The following TBC1D2B variants were observed in gnomAD, a reference collection of about 807,000 sequenced individuals.
TBC1D2B encodes TBC1 domain family member 2B.
In TBC1D2B, 64 loss-of-function variants were observed where a neutral mutation model predicts 100.8. That is an observed-to-expected ratio of 0.64 (90% confidence interval 0.52 to 0.78). The LOEUF is 0.78. TBC1D2B is among the 30% of genes least tolerant of loss of function. The pLI is 0.00. For missense variants in TBC1D2B, 1,052 were observed against 1,218.4 expected (o/e 0.86, Z 2.03); for synonymous variants, 480 against 479.7 (o/e 1.00, Z -0.01).
At chr15:78,045,192 T>A in intron 2 of TBC1D2B, 124 bp from the exon 3 acceptor site, 1 of 816,636 alleles carries the variant, frequency 1.2e-6, no homozygotes, top group Non-Finnish European at 1.8e-6. Context: ...ATATTTTTAA[T>A]GTATACTACA....
At chr15:78,024,630 A>G in intron 5 of TBC1D2B, 91 bp from the exon 6 acceptor site, 1 of 1,223,578 alleles carries the variant, frequency 8.2e-7, no homozygotes, top group Non-Finnish European at 1.1e-6. Context: ...AGTAATCGAC[A>G]GAGTTTGAGG....
At position 78,034,635 on chromosome 15, in the gene TBC1D2B, G is replaced by T. The variant is rs1193851842; in HGVS notation, c.684-4465C>A. 3 of 984,874 alleles carry T rather than the reference G, an allele frequency of 3.0e-6. No homozygotes were observed. In the African/African-American group the frequency reaches 5.2e-5, roughly 17 times the overall value. 61.0% of individuals were successfully genotyped at this position (984,874 alleles called of 1,614,324 possible). A position where few individuals can be genotyped will look rare whatever the true frequency, so the allele number is the denominator to read the frequency against. ...CACACACCCTCCTTCCTCCCACCGC[G>T]GTTTTGGGTTTCCAGCCTGTTGCAA... On this transcript the variant is annotated intron_variant, in intron 3 of 12. Coordinates refer to ENST00000300584, the MANE Select transcript of TBC1D2B (RefSeq NM_144572.2).
rs552292382 is a variant in TBC1D2B, at chr15:78,001,555, T to A, written c.2696+64A>T. On this transcript the variant is annotated intron_variant, in intron 12 of 12. Coordinates refer to ENST00000300584, the MANE Select transcript of TBC1D2B (RefSeq NM_144572.2). ...TTGGAAGACAGCAAGGACAGGCTGC[T>A]CTCAAGGAGGCAGGGGTCAGGCTTC... is the stretch of plus-strand genomic sequence containing the variant. 3 of 1,530,846 alleles carry A rather than the reference T, an allele frequency of 2.0e-6. No individual in the cohort carries two copies. In the South Asian group the frequency reaches 3.8e-5, roughly 19 times the overall value. 94.8% of individuals were successfully genotyped at this position (1,530,846 alleles called of 1,614,324 possible).
intron 3 of TBC1D2B, among the ~76,000 whole-genome samples, chr15:78,042,796 T>C (rs1307571973): frequency 1.3e-5 from 2 of 152,240 alleles, no homozygotes; most frequent in Non-Finnish European, 2.9e-5. Flanking sequence ...AAGAGACTAA[T>C]GTCGTATCGT....
At position 77,999,798 on chromosome 15, in the gene TBC1D2B, C is replaced by T. The variant is rs144795695; in HGVS notation, c.2697-1443G>A. On this transcript the variant is annotated intron_variant, in intron 12 of 12. Coordinates refer to ENST00000300584, the MANE Select transcript of TBC1D2B (RefSeq NM_144572.2). The stretch of plus-strand genomic sequence containing the variant: ...CCTCGGCCCAGGCTGGCACCCGGGA[C>T]GCCAGACCCCACCTCTGCCTCAGGC... 4.6e-3 allele frequency among the ~76,000 whole-genome samples: 699 copies of T among 152,306 alleles called. 8 individuals carry two copies. The highest frequency in any genetic ancestry group is 0.016 in the African/African-American group (658 of 41,562).
chr15:78,032,549 A>G (rs2072842546), intron 3 of TBC1D2B, among the ~76,000 whole-genome samples: 1 of 152,058 alleles, frequency 6.6e-6, no homozygotes, highest in South Asian at 2.1e-4. Flanking sequence ...ATCAACAGAA[A>G]CAGACCAGAA....
rs928593032 is a variant in TBC1D2B at position 77,997,970 on chromosome 15, T to C, written c.*190A>G. The C allele has an allele frequency of 7.0e-5, 34 of 483,254 alleles. No individual in the cohort carries two copies. Among genetic ancestry groups the C allele is most frequent in the East Asian group, 1.8e-4 (5 of 28,566 alleles). 29.9% of individuals were successfully genotyped at this position (483,254 alleles called of 1,614,324 possible). Reference sequence around the variant, plus strand: ...AACCAAAAGCATGGCACGGAAATGGTTGTAAACAGATTAGACCTCCCACCC... The same window carrying C: ...AACCAAAAGCATGGCACGGAAATGGCTGTAAACAGATTAGACCTCCCACCC... On this transcript the variant is annotated 3_prime_UTR_variant, in exon 13 of 13. Transcript: ENST00000300584.
intron 1 of TBC1D2B, among the ~76,000 whole-genome samples, chr15:78,061,034 C>T (rs928463210): frequency 6.7e-5 from 10 of 148,178 alleles, no homozygotes; most frequent in Non-Finnish European, 1.5e-4. Flanking sequence ...TTGCTTGAGC[C>T]CCGGAGTTCA....
rs541850643 is a variant in TBC1D2B at position 78,036,988 on chromosome 15, A to G, written c.684-6818T>C. The stretch of plus-strand genomic sequence containing the variant: ...AGACAGTTTCCAAAATACTCTAGAC[A>G]TTTACCTGGACAGATGAGTACATCA... On this transcript the variant is annotated intron_variant, in intron 3 of 12. Coordinates refer to ENST00000300584, the MANE Select transcript of TBC1D2B (RefSeq NM_144572.2). Among the ~76,000 whole-genome samples the G allele has an allele frequency of 2.1e-3, 318 of 152,316 alleles. 2 individuals are homozygous for G. The highest frequency in any genetic ancestry group is 3.9e-3 in the Non-Finnish European group (266 of 68,020).
intron 9 of TBC1D2B, among the ~76,000 whole-genome samples, chr15:78,011,648 T>G (rs140431103): frequency 1.7e-3 from 17 of 10,234 alleles, no homozygotes; most frequent in African/African-American, 4.3e-3. Context: ...TTTTTTGGTT[T>G]TTTTTTTTTT....
rs371440650 is a variant in TBC1D2B at position 78,036,252 on chromosome 15, C to T, written c.684-6082G>A. 4.6e-5 allele frequency among the ~76,000 whole-genome samples: 7 copies of T among 152,120 alleles called. No homozygotes were observed. In the East Asian group the frequency reaches 5.8e-4, roughly 13 times the overall value. On this transcript the variant is annotated intron_variant, in intron 3 of 12. Transcript: ENST00000300584. ...GCAATGATTGATTTTTCTTTTTATA[C>T]GCATGCACGCTTATTGCAATGAAGT...
At chr15:78,027,057 AG>A (rs2072689557) in intron 4 of TBC1D2B, among the ~76,000 whole-genome samples, 1 of 152,216 alleles carries the variant, frequency 6.6e-6, no homozygotes, top group African/African-American at 2.4e-5. Flanking sequence ...TCACTAAAAA[AG>A]AAAAAAAAAA....
intron 3 of TBC1D2B, among the ~76,000 whole-genome samples, chr15:78,040,442 G>A (rs113217583): frequency 1.3e-5 from 2 of 151,934 alleles, no homozygotes; most frequent in East Asian, 1.9e-4. Context: ...CCAGCTACTC[G>A]GGGGGCTGAG....
At chr15:78,056,021 T>TTC (rs2073415609) in intron 1 of TBC1D2B, among the ~76,000 whole-genome samples, 2 of 152,190 alleles carry the variant, frequency 1.3e-5, no homozygotes, top group Admixed American at 1.3e-4. Context: ...GTTCAAAAGC[T>TTC]TCAAAGTATA....
rs2071765204 is a variant in TBC1D2B, at chr15:77,996,564, C to T, written c.*1596G>A. ...CCCATTTTTGATGCCTGAAAAGAGG[C>T]AAAGGCTTCTGGCTAAATATAGAGG... is the stretch of plus-strand genomic sequence containing the variant. On this transcript the variant is annotated 3_prime_UTR_variant, in exon 13 of 13. Transcript: ENST00000300584. The T allele has an allele frequency of 6.6e-6, 1 of 152,226 alleles. No individual in the cohort carries two copies. The highest frequency in any genetic ancestry group is 2.1e-4 in the South Asian group (1 of 4,836). 9.4% of individuals were successfully genotyped at this position (152,226 alleles called of 1,614,324 possible).
chr15:78,018,106 C>T, intron 6 of TBC1D2B, 149 bp from the exon 7 acceptor site: 1 of 487,790 alleles, frequency 2.1e-6, no homozygotes. Flanking sequence ...TGTTAAAAGG[C>T]ACTTCCTAAT....
chr15:78,013,191 C>A lies in TBC1D2B; in HGVS notation c.1902G>T (p.Gly634=). 6.2e-7 allele frequency: 1 copy of A among 1,613,950 alleles called. No individual in the cohort carries two copies. The highest frequency in any genetic ancestry group is 8.5e-7 in the Non-Finnish European group (1 of 1,179,894). ...YLTENQEVST[G]VKWENYFAST... is the part of the protein sequence containing the mutation. Reference sequence around the variant, plus strand: ...TTGCAAAATAGTTTTCCCACTTGACCCCAGTGGAGACTTCCTGGTTTTCTG... The same window carrying A: ...TTGCAAAATAGTTTTCCCACTTGACACCAGTGGAGACTTCCTGGTTTTCTG... The change falls in exon 9 of 13, where the codon GGG becomes GGT. Residue 634 remains glycine (G), a synonymous_variant. Coordinates refer to ENST00000300584, the MANE Select transcript of TBC1D2B (RefSeq NM_144572.2).
chr15:78,016,899 C>G, intron 7 of TBC1D2B, 160 bp from the exon 8 acceptor site: 1 of 595,512 alleles, frequency 1.7e-6, no homozygotes, highest in Non-Finnish European at 2.8e-6. Context: ...CCACAGACCA[C>G]CTTTCATGTT....
intron 2 of TBC1D2B, among the ~76,000 whole-genome samples, chr15:78,047,250 T>C (rs1385844526): frequency 1.3e-5 from 2 of 151,380 alleles, no homozygotes; most frequent in East Asian, 1.9e-4. Context: ...CTGCAGCCTC[T>C]TGAGTCAAGA....
Sources: allele counts gnomAD v4.1 joint callset (sites outside exome capture counted in the v4.1 genomes callset), GRCh38; gene constraint gnomAD v4.1.1; transcripts MANE v1.5; gene names NCBI Gene and HGNC (gene_info 2026-07-23, HGNC 2026-07-21).